The following MTOR variants were observed in gnomAD, a reference collection of about 807,000 sequenced individuals.
MTOR encodes serine/threonine-protein kinase mTOR.
Under a neutral mutation model 319.8 loss-of-function variants are expected in MTOR, and 70 were observed. That is an observed-to-expected ratio of 0.22 (90% confidence interval 0.18 to 0.27). MTOR has a LOEUF of 0.27. Among genes scored for constraint, MTOR ranks in the 10% least tolerant of loss-of-function variants. The probability of loss-of-function intolerance (pLI) is 1.00; values close to 1 mark genes in which losing one functional copy is unlikely to be tolerated. For missense variants in MTOR, 1,890 were observed against 3,274.4 expected (o/e 0.58, Z 10.32); for synonymous variants, 1,183 against 1,211.4 (o/e 0.98, Z 0.49).
chr1:11,231,019 A>G lies in MTOR; in HGVS notation c.2685T>C (p.Asp895=). The G allele has an allele frequency of 6.2e-7, 1 of 1,614,152 alleles. No individual in the cohort carries two copies. Among genetic ancestry groups the G allele is most frequent in the South Asian group, 1.1e-5 (1 of 91,082 alleles). Residue 895 remains aspartate (D), a synonymous_variant, in exon 18 of 58, where the codon GAT becomes GAC. Coordinates refer to ENST00000361445, the MANE Select transcript of MTOR (RefSeq NM_004958.4). ...IRVLGLLGAL[D]PYKHKVNIGM... ...CAATGTTCACTTTGTGCTTGTAAGG[A>G]TCCAAAGCCCCTAAAAGCCCTAACA...
At chr1:11,255,382 CAA>C (rs56328160) in intron 5 of MTOR, among the ~76,000 whole-genome samples, 2,759 of 97,182 alleles carry the variant, frequency 0.028, 5 homozygotes, top group African/African-American at 0.076. Flanking sequence ...ACTCCATCTC[CAA>C]AAAAAAAAAA....
intron 5 of MTOR, among the ~76,000 whole-genome samples, chr1:11,255,718 G>A (rs1180587740): frequency 1.3e-5 from 2 of 152,080 alleles, no homozygotes; most frequent in South Asian, 2.1e-4. Context: ...GGTGGCACAC[G>A]CCTGTAGTCC....
chr1:11,195,805 G>T (rs907038685), intron 28 of MTOR: 2 of 152,420 alleles, frequency 1.3e-5, no homozygotes, highest in Non-Finnish European at 2.9e-5. Flanking sequence ...CAAGCTCAAG[G>T]AGCTTCCTTT....
Position 11,129,100 on chromosome 1 carries a change from CTG to C in MTOR, c.5715-151_5715-150del, listed in dbSNP as rs1317309149. Reference sequence around the variant, plus strand: ...TTTGGCCTCCCATGGGAGCAGGTGTCTGTGATGGGTGGCAGTGCTCTTGACTG... The same window carrying C: ...TTTGGCCTCCCATGGGAGCAGGTGTCTGATGGGTGGCAGTGCTCTTGACTG... On this transcript the variant is annotated intron_variant, in intron 40 of 57. Coordinates refer to ENST00000361445, the MANE Select transcript of MTOR (RefSeq NM_004958.4). The surrounding 1 kb of genome is among the most constrained non-coding windows in gnomAD (Gnocchi z 4.7). 1 of 648,596 alleles carries C rather than the reference CTG, an allele frequency of 1.5e-6. No homozygotes were observed. The highest frequency in any genetic ancestry group is 2.7e-6 in the Non-Finnish European group (1 of 365,418). 40.2% of individuals were successfully genotyped at this position (648,596 alleles called of 1,614,324 possible). A position where few individuals can be genotyped will look rare whatever the true frequency, so the allele number is the denominator to read the frequency against.
Position 11,167,447 on chromosome 1 carries a change from C to T in MTOR, c.4324G>A (p.Glu1442Lys). ...AAAAAGAATGAGGTGCTTACCAGCT[C>T]TCCAAAGTGTTTCATGGCATATTCT... ...VLEYAMKHFG[E>K]LEIQATWYEK... Residue 1442 changes from glutamate to lysine, a missense_variant, in exon 29 of 58, where the codon GAG (glutamate) becomes AAG (lysine). By Grantham distance (56) the Glu-to-Lys change is moderately conservative. Transcript: ENST00000361445. The T allele has an allele frequency of 6.2e-7, 1 of 1,613,440 alleles. No individual in the cohort carries two copies. The highest frequency in any genetic ancestry group is 8.5e-7 in the Non-Finnish European group (1 of 1,179,592).
rs535780980 is a variant in MTOR, at chr1:11,205,324, T to G, written c.3802-621A>C. On this transcript the variant is annotated intron_variant, in intron 25 of 57. Transcript: ENST00000361445. Reference sequence around the variant, plus strand: ...GCTGAGGTTTTGGAGAACAGTATAGTGTAGTGGGCAACAGCTACACTTGAC... The same window carrying G: ...GCTGAGGTTTTGGAGAACAGTATAGGGTAGTGGGCAACAGCTACACTTGAC... Among the ~76,000 whole-genome samples, 84 of 152,266 alleles carry G rather than the reference T, an allele frequency of 5.5e-4. No individual in the cohort carries two copies. The South Asian group carries it at 0.013, about 24-fold the overall frequency.
chr1:11,219,650 C>T (rs1297670023), intron 19 of MTOR, among the ~76,000 whole-genome samples: 1 of 152,074 alleles, frequency 6.6e-6, no homozygotes, highest in Non-Finnish European at 1.5e-5. Flanking sequence ...AAACAATATA[C>T]ACAATCAGAC....
At chr1:11,181,752 A>G (rs1004960699) in intron 28 of MTOR, among the ~76,000 whole-genome samples, 3 of 152,228 alleles carry the variant, frequency 2.0e-5, no homozygotes, top group African/African-American at 7.2e-5. Context: ...TTTAGGGGGA[A>G]GAGAACCTTC....
chr1:11,117,588 A>G (rs1642237771), intron 49 of MTOR, among the ~76,000 whole-genome samples: 1 of 152,238 alleles, frequency 6.6e-6, no homozygotes, highest in African/African-American at 2.4e-5. Context: ...GTTAGACTTA[A>G]AGATCTGAGT....
At chr1:11,144,221 G>A (rs940883671) in intron 34 of MTOR, among the ~76,000 whole-genome samples, 6 of 152,202 alleles carry the variant, frequency 3.9e-5, no homozygotes, top group Middle Eastern at 3.4e-3. Flanking sequence ...GAATCATCTG[G>A]GGGAACCTGA....
intron 28 of MTOR, among the ~76,000 whole-genome samples, chr1:11,173,964 T>C (rs1644904183): frequency 6.6e-6 from 1 of 152,244 alleles, no homozygotes; most frequent in Admixed American, 6.5e-5. Context: ...GCTCACCATA[T>C]GTGCCAGGCA....
intron 28 of MTOR, among the ~76,000 whole-genome samples, chr1:11,173,605 AAAG>A (rs1373428745): frequency 2.0e-5 from 3 of 152,148 alleles, no homozygotes; most frequent in Admixed American, 2.0e-4. Context: ...TTGATTGTTC[AAAG>A]AATAAAGAGA....
At chr1:11,170,623 T>C (rs1644782670) in intron 28 of MTOR, among the ~76,000 whole-genome samples, 2 of 151,708 alleles carry the variant, frequency 1.3e-5, no homozygotes, top group Admixed American at 6.6e-5. Context: ...ATGGTCCCTG[T>C]ATTATTACAA....
At chr1:11,260,233 T>G (rs1650939989) in intron 1 of MTOR, among the ~76,000 whole-genome samples, 1 of 152,208 alleles carries the variant, frequency 6.6e-6, no homozygotes, top group Non-Finnish European at 1.5e-5. Flanking sequence ...ATTATTATTC[T>G]ACAGCAGCAC....
chr1:11,248,674 G>T (rs539740793), intron 6 of MTOR, among the ~76,000 whole-genome samples: 2 of 152,180 alleles, frequency 1.3e-5, no homozygotes, highest in East Asian at 3.9e-4. Flanking sequence ...TTAGCTGGGC[G>T]TGGTGGTGGG....
intron 14 of MTOR, 103 bp downstream of exon 14, chr1:11,234,037 TCAC>T (rs1647111134): frequency 6.6e-7 from 1 of 1,525,734 alleles, no homozygotes; most frequent in Non-Finnish European, 9.0e-7. Flanking sequence ...AGCAAAGAAA[TCAC>T]CTACTTTGTT....
intron 28 of MTOR, among the ~76,000 whole-genome samples, chr1:11,188,891 A>G (rs1645409670): frequency 6.6e-6 from 1 of 152,264 alleles, no homozygotes; most frequent in Non-Finnish European, 1.5e-5. Flanking sequence ...ATCAGCCTAG[A>G]TAAAAGCATA....
intron 14 of MTOR, among the ~76,000 whole-genome samples, chr1:11,233,812 G>A (rs138286769): frequency 8.9e-4 from 135 of 152,274 alleles, no homozygotes; most frequent in African/African-American, 3.1e-3. Context: ...AGATTTGAAG[G>A]TTGTTTCAGA....
chr1:11,187,349 T>C (rs1279653792), intron 28 of MTOR, among the ~76,000 whole-genome samples: 1 of 152,076 alleles, frequency 6.6e-6, no homozygotes. Flanking sequence ...GGGGATGGTT[T>C]TGAGGTAAAA....
Sources: allele counts gnomAD v4.1 joint callset (sites outside exome capture counted in the v4.1 genomes callset), GRCh38; gene constraint gnomAD v4.1.1; non-coding constraint Gnocchi (gnomAD v3.1); transcripts MANE v1.5; gene names NCBI Gene and HGNC (gene_info 2026-07-23, HGNC 2026-07-21).